ELSPBP1: variants seen among roughly 807,000 people sequenced by gnomAD.
ELSPBP1 encodes the protein epididymal sperm-binding protein 1.
A neutral mutation model predicts 33.3 loss-of-function variants in ELSPBP1; 38 were observed. That is an observed-to-expected ratio of 1.14 (90% CI 0.88 to 1.50). The LOEUF (loss-of-function observed/expected upper bound fraction) is 1.50. Among genes scored for constraint, ELSPBP1 ranks in the 40% most tolerant of loss-of-function variants. The pLI, the probability that ELSPBP1 is intolerant of heterozygous loss-of-function variation, is 0.00. For missense variants in ELSPBP1, 267 were observed against 263.5 expected (o/e 1.01, Z -0.09); for synonymous variants, 85 against 94.1 (o/e 0.90, Z 0.56).
intron 1 of ELSPBP1, among the ~76,000 whole-genome samples, chr19:48,004,696 C>T (rs1568403779): frequency 6.6e-6 from 1 of 152,192 alleles, no homozygotes; most frequent in Admixed American, 6.5e-5. Flanking sequence ...TCCTGAGACT[C>T]GTCCACAGCA....
At chr19:48,000,246 C>T (rs1966954543) in intron 1 of ELSPBP1, among the ~76,000 whole-genome samples, 1 of 148,006 alleles carries the variant, frequency 6.8e-6, no homozygotes, top group South Asian at 2.2e-4. Context: ...CTCCCCCATC[C>T]CCCATAGATG....
chr19:47,995,628 G>C (rs758047474), intron 1 of ELSPBP1, among the ~76,000 whole-genome samples: 1 of 152,156 alleles, frequency 6.6e-6, no homozygotes, highest in Non-Finnish European at 1.5e-5. Context: ...CTGAAGTTTT[G>C]TTTCAGATCT....
Position 48,015,976 on chromosome 19 carries a change from C to A in ELSPBP1, c.292C>A (p.Leu98Met). The A allele has an allele frequency of 1.2e-6, 2 of 1,614,078 alleles. No individual in the cohort carries two copies. ...CISQGSFLGS[L>M]WCSVTSVFDE... is the part of the protein sequence containing the mutation. ...CTCCCAGGGCAGCTTCTTAGGCAGT[C>A]TGTGGTGCTCAGTCACCTCTGTCTT... is the stretch of plus-strand genomic sequence containing the variant. Residue 98 changes from leucine to methionine, a missense_variant, in exon 4 of 7, where the codon CTG becomes ATG. Leu to Met is a conservative substitution (Grantham distance 15). Coordinates refer to ENST00000339841, the MANE Select transcript of ELSPBP1 (RefSeq NM_022142.5).
At chr19:48,022,417 C>A (rs191236415) in intron 6 of ELSPBP1, 83 bp downstream of exon 6, 9 of 1,252,530 alleles carry the variant, frequency 7.2e-6, no homozygotes, top group African/African-American at 1.5e-5. Context: ...GATGCGAAGG[C>A]GAGATCTGCT....
intron 5 of ELSPBP1, among the ~76,000 whole-genome samples, chr19:48,020,573 G>C (rs866882272): frequency 6.6e-6 from 1 of 152,144 alleles, no homozygotes; most frequent in Non-Finnish European, 1.5e-5. Context: ...AAAGTTTAGC[G>C]AGTTGACGCA....
intron 4 of ELSPBP1, among the ~76,000 whole-genome samples, chr19:48,018,044 A>G (rs2122329163): frequency 6.6e-6 from 1 of 152,284 alleles, no homozygotes; most frequent in East Asian, 1.9e-4. Context: ...AATTTGCATA[A>G]ATCACCAAAC....
chr19:48,002,335 G>C (rs771544469), intron 1 of ELSPBP1, among the ~76,000 whole-genome samples: 2 of 152,140 alleles, frequency 1.3e-5, no homozygotes, highest in African/African-American at 2.4e-5. Context: ...GAATCTTGAG[G>C]AGAAGGGTCA....
chr19:48,012,827 G>T (rs1394659878), intron 2 of ELSPBP1, among the ~76,000 whole-genome samples: 2 of 152,012 alleles, frequency 1.3e-5, no homozygotes, highest in African/African-American at 2.4e-5. Flanking sequence ...TTGGGAGATT[G>T]GTTAACATCA....
At chr19:48,003,949 CTATTCTATTCTTT>C (rs1396857093) in intron 1 of ELSPBP1, among the ~76,000 whole-genome samples, 11 of 91,044 alleles carry the variant, frequency 1.2e-4, no homozygotes, top group Non-Finnish European at 2.1e-4. Context: ...CTATTCTATT[CTATTCTATTCTTT>C]TGAGACAGTC....
intron 4 of ELSPBP1, among the ~76,000 whole-genome samples, chr19:48,018,358 G>T (rs985944496): frequency 2.0e-5 from 3 of 152,088 alleles, no homozygotes; most frequent in East Asian, 1.9e-4. Flanking sequence ...GCCATACCAG[G>T]TACCCAAGAA....
In ELSPBP1 at chr19:48,003,574, T is replaced by TCACC. The variant is rs530167727; in HGVS notation, c.-17-5074_-17-5071dup. ...TTTTTTTTGATGGAGTCTTGCTCTG[T>TCACC]CACCCAGGCTGGAGTGCAGTGGCAC... On this transcript the variant is annotated intron_variant, in intron 1 of 6. Coordinates refer to ENST00000339841, the MANE Select transcript of ELSPBP1 (RefSeq NM_022142.5). Among the ~76,000 whole-genome samples the TCACC allele has an allele frequency of 4.1e-3, 619 of 150,254 alleles. 4 individuals carry two copies. Among genetic ancestry groups the TCACC allele is most frequent in the African/African-American group, 0.014 (591 of 40,822 alleles).
chr19:48,016,493 TTTCTTTCTTTCTTTC>T (rs1568407412), intron 4 of ELSPBP1, among the ~76,000 whole-genome samples: 1 of 104,416 alleles, frequency 9.6e-6, no homozygotes, highest in Non-Finnish European at 2.1e-5. Flanking sequence ...TCTTTCTTTC[TTTCTTTCTTTCTTTC>T]TTTCTTTCTT....
At chr19:48,023,374 G>C (rs1177463851) in intron 6 of ELSPBP1, among the ~76,000 whole-genome samples, 1 of 76,556 alleles carries the variant, frequency 1.3e-5, no homozygotes, top group Non-Finnish European at 2.7e-5. Flanking sequence ...GGAAGGAAGA[G>C]AGGAAAGGAG....
chr19:48,006,039 C>T (rs966386871), intron 1 of ELSPBP1, among the ~76,000 whole-genome samples: 12 of 152,136 alleles, frequency 7.9e-5, no homozygotes, highest in African/African-American at 2.7e-4. Context: ...TAGTGCACTG[C>T]AGCCTCGACC....
chr19:48,011,055 C>T lies in ELSPBP1; in HGVS notation c.70+2318C>T, dbSNP rs1200448014. On this transcript the variant is annotated intron_variant, in intron 2 of 6. Transcript: ENST00000339841. The surrounding 1 kb of genome is among the most constrained non-coding windows in gnomAD (Gnocchi z 4.5). Reference sequence around the variant, plus strand: ...AATGATGAGGATGATGATGATATGACGATGATGACAATGATGACGGTAATG... The same window carrying T: ...AATGATGAGGATGATGATGATATGATGATGATGACAATGATGACGGTAATG... Among the ~76,000 whole-genome samples the T allele has an allele frequency of 7.3e-5, 11 of 151,660 alleles. No homozygotes were observed. The highest frequency in any genetic ancestry group is 2.1e-4 in the South Asian group (1 of 4,808).
At chr19:48,002,900 G>A (rs920091948) in intron 1 of ELSPBP1, among the ~76,000 whole-genome samples, 2 of 152,196 alleles carry the variant, frequency 1.3e-5, no homozygotes, top group African/African-American at 4.8e-5. Context: ...AGCATCTGCT[G>A]CATGTATAAG....
chr19:48,019,619 G>T, intron 4 of ELSPBP1, 100 bp from the exon 5 acceptor site: 1 of 1,152,446 alleles, frequency 8.7e-7, no homozygotes, highest in Non-Finnish European at 1.2e-6. Context: ...ATGTGACGTT[G>T]CCTTTAATGG....
At chr19:48,018,982 C>T (rs561948675) in intron 4 of ELSPBP1, among the ~76,000 whole-genome samples, 1 of 152,196 alleles carries the variant, frequency 6.6e-6, no homozygotes, top group African/African-American at 2.4e-5. Context: ...GGTGAAACCC[C>T]TTCTCTAATA....
intron 2 of ELSPBP1, among the ~76,000 whole-genome samples, chr19:48,009,954 T>G (rs34584372): frequency 0.17 from 25,450 of 152,100 alleles, 2,199 homozygotes; most frequent in South Asian, 0.23. Context: ...TGTAGACAAG[T>G]ATCAAGAGAG....
Sources: gnomAD v4.1 joint callset for allele counts (sites outside exome capture counted in the v4.1 genomes callset) on GRCh38, gnomAD v4.1.1 for gene constraint, Gnocchi (gnomAD v3.1) non-coding constraint, MANE v1.5 for transcripts, NCBI Gene and HGNC (gene_info 2026-07-23, HGNC 2026-07-21) for gene names.